The following FHIT variants were observed in gnomAD, a reference collection of about 807,000 sequenced individuals.
The protein encoded by FHIT is fragile histidine triad diadenosine triphosphatase, also known as bis(5'-adenosyl)-triphosphatase.
In FHIT, 19 loss-of-function variants were observed where a neutral mutation model predicts 17.9. The ratio of observed to expected loss-of-function variants is 1.06; its 90% CI spans 0.74 to 1.56. The LOEUF is 1.56. FHIT is among the 40% of genes most tolerant of loss of function. FHIT has a pLI of 0.00. For missense variants in FHIT, 248 were observed against 189.2 expected (o/e 1.31, Z -1.82); for synonymous variants, 81 against 69.7 (o/e 1.16, Z -0.81).
In FHIT at chr3:60,494,708, A is replaced by G. The variant is rs112746814; in HGVS notation, c.103+42152T>C. Among the ~76,000 whole-genome samples the G allele has an allele frequency of 4.0e-3, 608 of 152,268 alleles. 4 individuals are homozygous for G. The highest frequency in any genetic ancestry group is 0.014 in the African/African-American group (579 of 41,552). On this transcript the variant is annotated intron_variant, in intron 5 of 9. Transcript: ENST00000492590. Reference sequence around the variant, plus strand: ...TTGTTTCGATTTTTAGATCCTACAAATAAGTGAGAACATACAGTATTTGTC... The same window carrying G: ...TTGTTTCGATTTTTAGATCCTACAAGTAAGTGAGAACATACAGTATTTGTC...
chr3:61,248,207 G>A (rs2040531427), intron 1 of FHIT, among the ~76,000 whole-genome samples: 1 of 152,110 alleles, frequency 6.6e-6, no homozygotes, highest in Non-Finnish European at 1.5e-5. Flanking sequence ...GTGGGAACAG[G>A]GTGCTTATGA....
intron 5 of FHIT, among the ~76,000 whole-genome samples, chr3:60,402,274 G>A (rs957825266): frequency 1.3e-5 from 2 of 152,198 alleles, no homozygotes; most frequent in African/African-American, 4.8e-5. Context: ...CATGCAGTCA[G>A]TTGCAAAACA....
chr3:60,382,198 A>G (rs567340036), intron 5 of FHIT, among the ~76,000 whole-genome samples: 13 of 152,334 alleles, frequency 8.5e-5, no homozygotes, highest in African/African-American at 3.1e-4. Flanking sequence ...GAGTAGAAAA[A>G]AAGTACAGTG....
intron 7 of FHIT, among the ~76,000 whole-genome samples, chr3:59,960,529 T>C (rs1367670707): frequency 2.0e-5 from 3 of 152,152 alleles, no homozygotes; most frequent in Non-Finnish European, 4.4e-5. Flanking sequence ...TTTTACATGT[T>C]AGGAGTTCAG....
At chr3:59,974,045 G>A (rs1344343368) in intron 7 of FHIT, among the ~76,000 whole-genome samples, 1 of 151,712 alleles carries the variant, frequency 6.6e-6, no homozygotes, top group East Asian at 1.9e-4. Context: ...GGTTCTCTTG[G>A]GCAAAAATGG....
chr3:60,639,250 A>G (rs1361212625), intron 4 of FHIT, among the ~76,000 whole-genome samples: 3 of 151,984 alleles, frequency 2.0e-5, no homozygotes, highest in Non-Finnish European at 4.4e-5. Context: ...GGGCTATAGA[A>G]GCAGCAGCTA....
intron 5 of FHIT, among the ~76,000 whole-genome samples, chr3:60,327,825 T>C (rs370943543): frequency 3.3e-5 from 5 of 152,016 alleles, no homozygotes; most frequent in Admixed American, 6.6e-5. Context: ...ATTCAGATGG[T>C]TCAAATGAAG....
At chr3:60,045,591 A>C (rs143033217) in intron 5 of FHIT, among the ~76,000 whole-genome samples, 456 of 152,268 alleles carry the variant, frequency 3.0e-3, no homozygotes, top group African/African-American at 0.01. Context: ...TGTTTTTTTA[A>C]TGGAAAATAA....
intron 5 of FHIT, among the ~76,000 whole-genome samples, chr3:60,369,769 G>A (rs1402363276): frequency 6.6e-6 from 1 of 152,088 alleles, no homozygotes; most frequent in East Asian, 1.9e-4. Context: ...GTGACCTTCA[G>A]TGCCTCTGTT....
intron 3 of FHIT, among the ~76,000 whole-genome samples, chr3:60,865,408 C>A (rs1217020350): frequency 6.6e-6 from 1 of 152,072 alleles, no homozygotes; most frequent in Non-Finnish European, 1.5e-5. Context: ...TCCATTGTTG[C>A]AGGAATATCT....
intron 4 of FHIT, among the ~76,000 whole-genome samples, chr3:60,681,423 A>G (rs1214483852): frequency 1.3e-5 from 2 of 152,154 alleles, no homozygotes; most frequent in African/African-American, 4.8e-5. Flanking sequence ...AATTAGTCCA[A>G]CTAATAAGCA....
At chr3:61,154,740 G>C (rs963624609) in intron 2 of FHIT, among the ~76,000 whole-genome samples, 2 of 152,198 alleles carry the variant, frequency 1.3e-5, no homozygotes, top group African/African-American at 4.8e-5. Context: ...GGGAATCAAA[G>C]TTTATTGACT....
chr3:59,812,329 T>A (rs1225986729), intron 8 of FHIT, among the ~76,000 whole-genome samples: 3 of 152,184 alleles, frequency 2.0e-5, no homozygotes, highest in African/African-American at 7.2e-5. Context: ...TGGACTGATC[T>A]TGGCCTTATA....
At position 59,922,384 on chromosome 3, in the gene FHIT, C is replaced by G. The variant is rs975430516; in HGVS notation, c.310G>C (p.Ala104Pro). 6 of 1,613,914 alleles carry G rather than the reference C, an allele frequency of 3.7e-6. No individual in the cohort carries two copies. Among genetic ancestry groups the G allele is most frequent in the Non-Finnish European group, 5.1e-6 (6 of 1,179,936 alleles). The change falls in exon 8 of 10, where the codon GCT becomes CCT. Residue 104 changes from alanine (A) to proline (P), a missense_variant. Physicochemically the swap from Ala to Pro is conservative, Grantham distance 27. Transcript: ENST00000492590. ...CTGTCATTCCTGTGAAAGTCTCCAG[C>G]CTTCCTGGGAAGAACATGGACGTGA... ...HVHVHVLPRK[A>P]GDFHRNDSIY...
intron 3 of FHIT, among the ~76,000 whole-genome samples, chr3:61,038,414 C>T (rs1412823586): frequency 6.6e-6 from 1 of 152,090 alleles, no homozygotes; most frequent in African/African-American, 2.4e-5. Context: ...AACAAGTCTA[C>T]AGTGGGAATG....
intron 3 of FHIT, among the ~76,000 whole-genome samples, chr3:60,924,657 T>A (rs1305212035): frequency 6.6e-6 from 1 of 152,124 alleles, no homozygotes; most frequent in Non-Finnish European, 1.5e-5. Context: ...GCGCCTCTCC[T>A]CCTCGAAAGG....
intron 8 of FHIT, among the ~76,000 whole-genome samples, chr3:59,782,109 G>A (rs1037607233): frequency 1.4e-4 from 22 of 152,108 alleles, no homozygotes; most frequent in African/African-American, 4.6e-4. Flanking sequence ...TACATAACCT[G>A]ACTTATCTAC....
chr3:60,727,313 A>C (rs2107977908), intron 4 of FHIT, among the ~76,000 whole-genome samples: 1 of 152,322 alleles, frequency 6.6e-6, no homozygotes, highest in South Asian at 2.1e-4. Flanking sequence ...AATTTAATAT[A>C]GGGCACAACG....
chr3:60,086,735 G>C (rs1005932988), intron 5 of FHIT, among the ~76,000 whole-genome samples: 10 of 152,184 alleles, frequency 6.6e-5, no homozygotes, highest in African/African-American at 2.4e-4. Flanking sequence ...TACTGCAAGG[G>C]GTGGGCTCCT....
Sources: gnomAD v4.1 joint callset for allele counts (sites outside exome capture counted in the v4.1 genomes callset) on GRCh38, gnomAD v4.1.1 for gene constraint, MANE v1.5 for transcripts, NCBI Gene and HGNC (gene_info 2026-07-23, HGNC 2026-07-21) for gene names.